Variants in NRXN1 observed in about 807,000 individuals in gnomAD.
NRXN1 encodes the protein neurexin 1.
Under a neutral mutation model 150.9 loss-of-function variants are expected in NRXN1, and 39 were observed. The observed-to-expected ratio is 0.26, with a 90% CI of 0.20 to 0.34. The LOEUF (loss-of-function observed/expected upper bound fraction) is 0.34, where lower values mean the gene tolerates loss of function less well. Ranked by LOEUF, NRXN1 falls within the 10% of genes least tolerant of loss-of-function variation. NRXN1 has a pLI of 1.00. For missense variants in NRXN1, 1,815 were observed against 1,949.9 expected, an observed-to-expected ratio of 0.93 and a Z score of 1.30; for synonymous variants, 924 against 757.0, an observed-to-expected ratio of 1.22 and a Z score of -3.62.
chr2:50,057,576 G>A (rs980940365), intron 19 of NRXN1, among the ~76,000 whole-genome samples: 3 of 152,134 alleles, frequency 2.0e-5, no homozygotes, highest in Non-Finnish European at 4.4e-5. Context: ...ATGAGGCCAA[G>A]TACTATGCTA....
At chr2:50,723,981 T>C (rs1157083578) in intron 5 of NRXN1, among the ~76,000 whole-genome samples, 4 of 152,246 alleles carry the variant, frequency 2.6e-5, no homozygotes, top group African/African-American at 9.6e-5. Context: ...TCATTTTTTC[T>C]GTTTTCTCTC....
At chr2:50,259,281 T>A (rs1175076494) in intron 17 of NRXN1, among the ~76,000 whole-genome samples, 1 of 151,974 alleles carries the variant, frequency 6.6e-6, no homozygotes, top group African/African-American at 2.4e-5. Flanking sequence ...AGCTAAATTT[T>A]TTTTTATAAC....
chr2:50,944,647 T>C (rs1253487905), intron 2 of NRXN1, among the ~76,000 whole-genome samples: 1 of 152,192 alleles, frequency 6.6e-6, no homozygotes, highest in African/African-American at 2.4e-5. Context: ...AATTGTATAC[T>C]GAGTAACAGC....
intron 8 of NRXN1, among the ~76,000 whole-genome samples, chr2:50,583,275 C>G (rs933254959): frequency 5.3e-5 from 8 of 152,108 alleles, no homozygotes; most frequent in African/African-American, 1.7e-4. Context: ...CTTGTGAGCT[C>G]AAGAGATCCT....
chr2:50,973,111 C>T (rs1425465622), intron 2 of NRXN1, among the ~76,000 whole-genome samples: 1 of 152,096 alleles, frequency 6.6e-6, no homozygotes, highest in Non-Finnish European at 1.5e-5. Flanking sequence ...TTCAGAGATC[C>T]TTTGCACAGA....
chr2:50,039,796 T>C (rs568731677), intron 21 of NRXN1, among the ~76,000 whole-genome samples: 2 of 152,230 alleles, frequency 1.3e-5, no homozygotes, highest in South Asian at 4.1e-4. Context: ...GTATGTTGAG[T>C]AGCTCATGGA....
chr2:50,930,546 A>G (rs1687586215), intron 2 of NRXN1, among the ~76,000 whole-genome samples: 1 of 152,098 alleles, frequency 6.6e-6, no homozygotes, highest in East Asian at 1.9e-4. Context: ...AATGAATTCA[A>G]TTTCAAATTT....
chr2:50,163,166 A>G (rs1285981335), intron 18 of NRXN1, among the ~76,000 whole-genome samples: 2 of 98,398 alleles, frequency 2.0e-5, no homozygotes, highest in African/African-American at 3.6e-5. Flanking sequence ...TCCAAAATGT[A>G]TATATATATA....
intron 19 of NRXN1, among the ~76,000 whole-genome samples, chr2:50,059,576 A>C (rs1172506772): frequency 6.6e-6 from 1 of 152,312 alleles, no homozygotes; most frequent in East Asian, 1.9e-4. Context: ...TGCCAGGACA[A>C]CGAGGAAAAT....
At chr2:50,879,888 T>G (rs1415547335) in intron 5 of NRXN1, among the ~76,000 whole-genome samples, 1 of 151,922 alleles carries the variant, frequency 6.6e-6, no homozygotes, top group Non-Finnish European at 1.5e-5. Context: ...TGCCCATGGT[T>G]GAGACGTATT....
intron 18 of NRXN1, among the ~76,000 whole-genome samples, chr2:50,208,967 G>A (rs866690629): frequency 6.6e-6 from 1 of 151,964 alleles, no homozygotes; most frequent in East Asian, 1.9e-4. Flanking sequence ...TGCAGCAAAT[G>A]TGACATTTTC....
chr2:50,840,478 G>C (rs1331950680), intron 5 of NRXN1, among the ~76,000 whole-genome samples: 1 of 151,978 alleles, frequency 6.6e-6, no homozygotes, highest in African/African-American at 2.4e-5. Flanking sequence ...AGATGGTGCA[G>C]AGAGATTATG....
intron 21 of NRXN1, among the ~76,000 whole-genome samples, chr2:50,012,059 C>T (rs547663130): frequency 2.6e-4 from 40 of 152,078 alleles, no homozygotes; most frequent in African/African-American, 9.2e-4. Context: ...TAAAAGTTAG[C>T]ATTTTTCTAT....
At chr2:50,537,843 G>A (rs1389409762) in intron 10 of NRXN1, among the ~76,000 whole-genome samples, 1 of 152,198 alleles carries the variant, frequency 6.6e-6, no homozygotes, top group Admixed American at 6.5e-5. Flanking sequence ...GCAACTCATA[G>A]CTTAGCTTGC....
chr2:50,310,391 T>C (rs1428400118), intron 17 of NRXN1, among the ~76,000 whole-genome samples: 1 of 152,140 alleles, frequency 6.6e-6, no homozygotes, highest in East Asian at 1.9e-4. Flanking sequence ...ATATATTTCA[T>C]TCAGAACGAG....
chr2:50,778,963 C>T (rs1704001225), intron 5 of NRXN1, among the ~76,000 whole-genome samples: 1 of 152,196 alleles, frequency 6.6e-6, no homozygotes, highest in East Asian at 1.9e-4. Flanking sequence ...CCACCCAGGG[C>T]TATTTTGATT....
Position 49,988,114 on chromosome 2 carries a change from G to C in NRXN1, c.4129-44323C>G, listed in dbSNP as rs1466480095. 2.0e-5 allele frequency among the ~76,000 whole-genome samples: 3 copies of C among 151,972 alleles called. No homozygotes were observed. The East Asian group carries it at 5.8e-4, about 29-fold the overall frequency. ...TTTATACATTCATCCCTGCTAAATTGCTGCAAAATGTGATGGTTGGGAAAT... is the reference window on the plus strand; with the variant it reads ...TTTATACATTCATCCCTGCTAAATTCCTGCAAAATGTGATGGTTGGGAAAT... On this transcript the variant is annotated intron_variant, in intron 21 of 22. Coordinates refer to ENST00000401669, the MANE Select transcript of NRXN1 (RefSeq NM_001330078.2).
intron 17 of NRXN1, among the ~76,000 whole-genome samples, chr2:50,457,172 G>A (rs1045719811): frequency 3.3e-5 from 5 of 152,132 alleles, no homozygotes; most frequent in African/African-American, 1.2e-4. Context: ...GCTTTTGACA[G>A]CTCACTCTGA....
chr2:50,739,262 A>G (rs1312628906), intron 5 of NRXN1: 1 of 506,608 alleles, frequency 2.0e-6, no homozygotes, highest in African/African-American at 1.9e-5. Flanking sequence ...AATGAGACTT[A>G]CTTTTTGATT....
Sources: gnomAD v4.1 joint callset for allele counts (sites outside exome capture counted in the v4.1 genomes callset) on GRCh38, gnomAD v4.1.1 for gene constraint, MANE v1.5 for transcripts, NCBI Gene and HGNC (gene_info 2026-07-23, HGNC 2026-07-21) for gene names.